Variants in TP63 observed in about 807,000 individuals in gnomAD.
TP63 encodes tumor protein 63.
In TP63, 17 loss-of-function variants were observed where a neutral mutation model predicts 82.8. The observed-to-expected ratio is 0.21, with a 90% CI of 0.14 to 0.31. The LOEUF is 0.31. Ranked by LOEUF, TP63 falls within the 10% of genes least tolerant of loss-of-function variation. The pLI is 1.00. For missense variants in TP63, 648 were observed against 895.3 expected, an observed-to-expected ratio of 0.72 and a Z score of 3.52; for synonymous variants, 330 against 321.7, an observed-to-expected ratio of 1.03 and a Z score of -0.28.
intron 10 of TP63, among the ~76,000 whole-genome samples, chr3:189,883,772 CCTT>C (rs1720165703): frequency 6.6e-6 from 1 of 152,040 alleles, no homozygotes; most frequent in Non-Finnish European, 1.5e-5. Context: ...AATCCATGTT[CCTT>C]CTTTCTTCAT....
chr3:189,882,220 G>A (rs1446755241), intron 10 of TP63, among the ~76,000 whole-genome samples: 1 of 151,958 alleles, frequency 6.6e-6, no homozygotes, highest in African/African-American at 2.4e-5. Flanking sequence ...CTTTCAGAAG[G>A]GTTTTTCTTT....
At position 189,894,745 on chromosome 3, in the gene TP63, G is replaced by A; in HGVS notation, c.*243G>A. 3.8e-6 allele frequency: 2 copies of A among 531,210 alleles called. No individual in the cohort carries two copies. The highest frequency in any genetic ancestry group is 6.7e-6 in the Non-Finnish European group (2 of 297,342). The allele number at this position is 531,210 out of a possible 1,614,324, so 32.9% of individuals were successfully genotyped here. On this transcript the variant is annotated 3_prime_UTR_variant, in exon 14 of 14. Transcript: ENST00000264731. The stretch of plus-strand genomic sequence containing the variant: ...GTAGCTGCCATGGCTAGGTAGAAGT[G>A]AGCAAAAAAGAGTTGGGTGTCTCCT...
chr3:189,640,563 G>A (rs1054200051), intron 1 of TP63, among the ~76,000 whole-genome samples: 1 of 152,028 alleles, frequency 6.6e-6, no homozygotes, highest in Non-Finnish European at 1.5e-5. Context: ...TTTTCTTGCT[G>A]AACAAAAGGC....
At chr3:189,824,938 C>T (rs1369867304) in intron 4 of TP63, among the ~76,000 whole-genome samples, 2 of 151,900 alleles carry the variant, frequency 1.3e-5, no homozygotes, top group Non-Finnish European at 2.9e-5. Flanking sequence ...TTTTAGAAAT[C>T]AGATGTTTGG....
At position 189,808,516 on chromosome 3, in the gene TP63, C is replaced by T; in HGVS notation, c.569C>T (p.Ala190Val). The T allele has an allele frequency of 6.2e-7, 1 of 1,613,984 alleles. No homozygotes were observed. The highest frequency in any genetic ancestry group is 8.5e-7 in the Non-Finnish European group (1 of 1,180,052). ...CAGCAGTCGAGCACCGCCAAGTCGGCCACCTGGACGGTAAGAGCAGCGGGC... is the reference window on the plus strand; with the variant it reads ...CAGCAGTCGAGCACCGCCAAGTCGGTCACCTGGACGGTAAGAGCAGCGGGC... Reference protein sequence around the residue: ...SFQQSSTAKSATWTYSTELKK... With the variant: ...SFQQSSTAKSVTWTYSTELKK... The change falls in exon 4 of 14, where the codon GCC (alanine) becomes GTC (valine). Residue 190 changes from alanine to valine, a missense_variant. By Grantham distance (64) the Ala-to-Val change is moderately conservative. This residue lies in a region of TP63 where 64 missense variants were observed against 144.2 expected (regional missense o/e 0.44). Coordinates refer to ENST00000264731, the MANE Select transcript of TP63 (RefSeq NM_003722.5).
rs565223872 is a variant in TP63 at position 189,896,460 on chromosome 3, T to A, written c.*1958T>A. On this transcript the variant is annotated 3_prime_UTR_variant, in exon 14 of 14. Coordinates refer to ENST00000264731, the MANE Select transcript of TP63 (RefSeq NM_003722.5). ...GGAAAGTTTTTTTTTATTATTTTTT[T>A]AAAATTTTGTATGTTAAAGAGAATG... The A allele has an allele frequency of 8.0e-5, 16 of 200,578 alleles. No individual in the cohort carries two copies. Among genetic ancestry groups the A allele is most frequent in the Non-Finnish European group, 1.3e-4 (13 of 97,142 alleles). The allele number at this position is 200,578 out of a possible 1,614,324, so 12.4% of individuals were successfully genotyped here.
chr3:189,884,552 A>G (rs1252497555), intron 10 of TP63, among the ~76,000 whole-genome samples: 1 of 152,186 alleles, frequency 6.6e-6, no homozygotes, highest in African/African-American at 2.4e-5. Flanking sequence ...CTGCTATACC[A>G]TGACCTGCTC....
chr3:189,864,438 C>A lies in TP63; in HGVS notation c.766+20C>A. On this transcript the variant is annotated intron_variant, in intron 5 of 13. Transcript: ENST00000264731. ...ACGAGGGTAAGCAGAATTTGAATCT[C>A]TAACTGTTCAACCTCCTTGAAGGTC... is the stretch of plus-strand genomic sequence containing the variant. The A allele has an allele frequency of 6.2e-7, 1 of 1,606,758 alleles. No individual in the cohort carries two copies. The highest frequency in any genetic ancestry group is 1.1e-5 in the South Asian group (1 of 90,278).
chr3:189,850,007 G>A (rs1013506193), intron 4 of TP63, among the ~76,000 whole-genome samples: 1 of 152,108 alleles, frequency 6.6e-6, no homozygotes, highest in Non-Finnish European at 1.5e-5. Flanking sequence ...GGTCAGGTGT[G>A]GTGGCTCATG....
At chr3:189,868,558 T>C (rs775962491) in intron 7 of TP63, 22 bp from the exon 8 acceptor site, 14 of 1,613,580 alleles carry the variant, frequency 8.7e-6, no homozygotes, top group Non-Finnish European at 1.2e-5. Context: ...AACTCTTTCT[T>C]CCCCTTTATT....
intron 1 of TP63, among the ~76,000 whole-genome samples, chr3:189,669,721 AAGTT>A (rs1257109767): frequency 2.0e-5 from 3 of 152,070 alleles, no homozygotes; most frequent in African/African-American, 7.2e-5. Context: ...AGACATTAAT[AAGTT>A]AGAGATACAG....
intron 1 of TP63, among the ~76,000 whole-genome samples, chr3:189,700,611 T>C (rs1304918170): frequency 6.6e-6 from 1 of 152,164 alleles, no homozygotes; most frequent in Non-Finnish European, 1.5e-5. Context: ...GGATCAGAGA[T>C]TAATGGGAAT....
chr3:189,675,724 T>C (rs11921271), intron 1 of TP63, among the ~76,000 whole-genome samples: 2,057 of 152,192 alleles, frequency 0.014, 45 homozygotes, highest in African/African-American at 0.043. Flanking sequence ...CACCCACCAC[T>C]GTGCTGGGTG....
chr3:189,692,790 A>G (rs1311628917), intron 1 of TP63, among the ~76,000 whole-genome samples: 2 of 152,196 alleles, frequency 1.3e-5, no homozygotes, highest in Non-Finnish European at 2.9e-5. Flanking sequence ...AGCTGCTCAC[A>G]GCTATGAGTG....
chr3:189,661,469 AT>A (rs1269799476), intron 1 of TP63, among the ~76,000 whole-genome samples: 1 of 151,976 alleles, frequency 6.6e-6, no homozygotes, highest in Admixed American at 6.6e-5. Flanking sequence ...GCTGGATTCA[AT>A]ATGTTGGTAT....
intron 3 of TP63, among the ~76,000 whole-genome samples, chr3:189,767,140 G>A (rs1723013351): frequency 6.6e-6 from 1 of 151,968 alleles, no homozygotes; most frequent in Admixed American, 6.6e-5. Context: ...TTCGTCTATG[G>A]TGAAAAATGT....
At chr3:189,672,911 G>C (rs6794898) in intron 1 of TP63, among the ~76,000 whole-genome samples, 51,615 of 151,908 alleles carry the variant, frequency 0.34, 9,097 homozygotes, top group Non-Finnish European at 0.38. Flanking sequence ...CACGATCTTG[G>C]CTTACTGCAA....
intron 3 of TP63, among the ~76,000 whole-genome samples, chr3:189,748,798 A>T (rs554088580): frequency 2.8e-4 from 43 of 152,284 alleles, no homozygotes; most frequent in African/African-American, 1.0e-3. Flanking sequence ...AGAAGCCTAA[A>T]GTAACCAACA....
intron 3 of TP63, among the ~76,000 whole-genome samples, chr3:189,776,394 G>C (rs1448041753): frequency 2.6e-5 from 4 of 152,100 alleles, no homozygotes; most frequent in Non-Finnish European, 5.9e-5. Context: ...GAAGAGAAAG[G>C]GGCACTATCT....
Sources: allele counts gnomAD v4.1 joint callset (sites outside exome capture counted in the v4.1 genomes callset), GRCh38; gene constraint gnomAD v4.1.1; regional missense constraint gnomAD v4.1.1; transcripts MANE v1.5; gene names NCBI Gene and HGNC (gene_info 2026-07-23, HGNC 2026-07-21).